Variants in STRADA observed in about 807,000 individuals in gnomAD.
The protein encoded by STRADA is STE20 related adaptor alpha.
In STRADA, 26 loss-of-function variants were observed where a neutral mutation model predicts 55.0. That is an observed-to-expected ratio of 0.47 (90% CI 0.35 to 0.66). The LOEUF (loss-of-function observed/expected upper bound fraction) is 0.66. STRADA is among the 30% of genes least tolerant of loss of function. STRADA has a pLI of 0.01. For missense variants in STRADA, 443 were observed against 549.7 expected (o/e 0.81, Z 1.94); for synonymous variants, 197 against 210.9 (o/e 0.93, Z 0.57).
chr17:63,741,978 T>C (rs2038991285), upstream of STRADA: 1 of 151,980 alleles, frequency 6.6e-6, no homozygotes, highest in Non-Finnish European at 1.5e-5. Context: ...CCGAGAGCGG[T>C]TCTCAGTTCC....
chr17:63,705,300 G>A (rs1012318962), intron 10 of STRADA: 7 of 278,082 alleles, frequency 2.5e-5, no homozygotes, highest in Admixed American at 2.3e-4. Context: ...CTAAATGCTC[G>A]ACAGCCACAC....
Position 63,707,302 on chromosome 17 carries a change from A to C in STRADA, c.698T>G (p.Phe233Cys), listed in dbSNP as rs1399143994. 3 of 1,614,138 alleles carry C rather than the reference A, an allele frequency of 1.9e-6. No homozygotes were observed. The highest frequency in any genetic ancestry group is 2.5e-6 in the Non-Finnish European group (3 of 1,180,016). The change falls in exon 9 of 13, where the codon TTT (phenylalanine) becomes TGT (cysteine). Residue 233 changes from phenylalanine (F) to cysteine (C), a missense_variant. Coordinates refer to ENST00000336174, the MANE Select transcript of STRADA (RefSeq NM_001003787.4). ...CAGAACCTTGACACTGTACTTGGGA[A>C]AATCGTGGACCACTCGCTGCCGCTG... ...HGQRQRVVHD[F>C]PKYSVKVLPW...
chr17:63,704,626 G>C (rs748650394), intron 10 of STRADA, 44 bp from the exon 11 acceptor site: 175 of 992,008 alleles, frequency 1.8e-4, no homozygotes, highest in South Asian at 3.8e-4. Flanking sequence ...CGGGTGGGGG[G>C]GGGGGGTGGT....
chr17:63,725,722 T>G (rs903474561), intron 3 of STRADA: 11 of 151,538 alleles, frequency 7.3e-5, no homozygotes, highest in African/African-American at 2.4e-4. Context: ...CAGGCTGGAG[T>G]GCAGTGGCGC....
In STRADA at chr17:63,707,158, T is replaced by C. The variant is rs1010587191; in HGVS notation, c.753+89A>G. 1.8e-5 allele frequency: 28 copies of C among 1,544,482 alleles called. No homozygotes were observed. The African/African-American group carries it at 3.5e-4, about 19-fold the overall frequency. On this transcript the variant is annotated intron_variant, in intron 9 of 12. Transcript: ENST00000336174. ...GGAACCCCTTTACCCCACTGGGAGG[T>C]TGAGAGCCCCCGACTCCAGGCAATG...
Position 63,728,431 on chromosome 17 carries a change from A to G in STRADA, c.-44-18T>C, listed in dbSNP as rs762772169. ...ACTTAAACCTAAAAGGAAAATAGAAACAGGTTGAGTTAGCAAAAATCTCCT... is the reference window on the plus strand; with the variant it reads ...ACTTAAACCTAAAAGGAAAATAGAAGCAGGTTGAGTTAGCAAAAATCTCCT... On this transcript the variant is annotated intron_variant, in intron 1 of 12. Transcript: ENST00000336174. The G allele has an allele frequency of 6.1e-6, 9 of 1,474,350 alleles. No individual in the cohort carries two copies. In the Admixed American group the frequency reaches 1.8e-4, roughly 29 times the overall value. 91.3% of individuals were successfully genotyped at this position (1,474,350 alleles called of 1,614,324 possible).
intron 11 of STRADA, 116 bp downstream of exon 11, chr17:63,704,225 T>A: frequency 6.5e-7 from 1 of 1,543,378 alleles, no homozygotes; most frequent in African/African-American, 1.4e-5. Context: ...CCCTCCTGTG[T>A]GTAGCTCCAG....
rs9912265 is a variant in STRADA at position 63,707,445 on chromosome 17, C to G, written c.582-27G>C. On this transcript the variant is annotated intron_variant, in intron 8 of 12. Coordinates refer to ENST00000336174, the MANE Select transcript of STRADA (RefSeq NM_001003787.4). ...TGGGGAAGCGGGGAGGGTGTCATGT[C>G]GAGAGCAGGAGCCCCTCCTGCTACA... 3.1e-6 allele frequency: 5 copies of G among 1,607,434 alleles called. No individual in the cohort carries two copies. In the African/African-American group the frequency reaches 6.7e-5, roughly 21 times the overall value.
At chr17:63,736,840 C>G (rs908999987) in intron 1 of STRADA, among the ~76,000 whole-genome samples, 2 of 132,642 alleles carry the variant, frequency 1.5e-5, no homozygotes, top group South Asian at 2.9e-4. Context: ...CCCCCCACGC[C>G]CCCCCCACCA....
intron 2 of STRADA, 44 bp from the exon 3 acceptor site, chr17:63,726,739 C>A: frequency 6.2e-7 from 1 of 1,600,146 alleles, no homozygotes. Context: ...TCTTCCAAGC[C>A]GCAACAAATT....
chr17:63,715,381 AG>A (rs2036796455), intron 4 of STRADA: 1 of 152,270 alleles, frequency 6.6e-6, no homozygotes, highest in African/African-American at 2.4e-5. Context: ...CACAGGACCC[AG>A]GCCCAAACCA....
chr17:63,708,915 A>G (rs1056300210), intron 8 of STRADA, among the ~76,000 whole-genome samples: 13 of 152,214 alleles, frequency 8.5e-5, no homozygotes, highest in African/African-American at 3.1e-4. Flanking sequence ...ACCTAGGGGT[A>G]CTGTGTTCCG....
intron 2 of STRADA, 75 bp downstream of exon 2, chr17:63,728,259 C>T: frequency 2.0e-6 from 3 of 1,505,170 alleles, no homozygotes; most frequent in South Asian, 2.3e-5. Context: ...AGAAAACCAC[C>T]TACAACATCT....
rs180866050 is a variant in STRADA at position 63,710,347 on chromosome 17, C to T, written c.581+144G>A. 2.1e-6 allele frequency: 3 copies of T among 1,408,454 alleles called. No individual in the cohort carries two copies. The Admixed American group carries it at 6.6e-5, about 31-fold the overall frequency. The allele number at this position is 1,408,454 out of a possible 1,614,324, so 87.2% of individuals were successfully genotyped here. On this transcript the variant is annotated intron_variant, in intron 8 of 12. Transcript: ENST00000336174. ...CATCGCGCTGGGCCCTGTTTCTTTT[C>T]AGAGCAAAGAGATCTTCAGCAAGAA...
At chr17:63,704,730 T>C in intron 10 of STRADA, 148 bp from the exon 11 acceptor site, 3 of 1,518,470 alleles carry the variant, frequency 2.0e-6, no homozygotes, top group South Asian at 2.5e-5. Context: ...GTGGAGTAAG[T>C]CCAATTTTCC....
At chr17:63,704,175 G>C in intron 11 of STRADA, 128 bp from the exon 12 acceptor site, 2 of 1,521,320 alleles carry the variant, frequency 1.3e-6, no homozygotes, top group South Asian at 1.3e-5. Flanking sequence ...GCAGTGGCCA[G>C]AGCTCCCCAG....
chr17:63,724,092 C>A (rs2037485705), intron 3 of STRADA: 1 of 152,088 alleles, frequency 6.6e-6, no homozygotes, highest in Admixed American at 6.6e-5. Flanking sequence ...ACTACAAAAT[C>A]AGAAAAGTCT....
chr17:63,706,411 T>A (rs1307404440), intron 10 of STRADA: 2 of 508,264 alleles, frequency 3.9e-6, no homozygotes, highest in African/African-American at 3.8e-5. Flanking sequence ...GCACCCCTGC[T>A]CCCGGGCTCC....
chr17:63,723,239 T>A, intron 4 of STRADA, 59 bp downstream of exon 4: 1 of 1,579,070 alleles, frequency 6.3e-7, no homozygotes, highest in African/African-American at 1.3e-5. Flanking sequence ...CACACAAACT[T>A]CCACAAGAAG....
Sources: gnomAD v4.1 joint callset for allele counts (sites outside exome capture counted in the v4.1 genomes callset) on GRCh38, gnomAD v4.1.1 for gene constraint, MANE v1.5 for transcripts, NCBI Gene and HGNC (gene_info 2026-07-23, HGNC 2026-07-21) for gene names.